Variants in PRDM16 observed in about 807,000 individuals in gnomAD.
The protein encoded by PRDM16 is histone-lysine N-methyltransferase PRDM16.
Under a neutral mutation model 110.6 loss-of-function variants are expected in PRDM16, and 23 were observed. The observed-to-expected ratio is 0.21, with a 90% CI of 0.15 to 0.29. The LOEUF is 0.29. Among genes scored for constraint, PRDM16 ranks in the 10% least tolerant of loss-of-function variants. PRDM16 has a pLI of 1.00. For missense variants in PRDM16, 1,615 were observed against 1,794.3 expected (o/e 0.90, Z 1.81); for synonymous variants, 799 against 781.8 (o/e 1.02, Z -0.37).
chr1:3,120,429 G>A (rs369336804), intron 1 of PRDM16, among the ~76,000 whole-genome samples: 4 of 152,308 alleles, frequency 2.6e-5, no homozygotes, highest in East Asian at 1.9e-4. Context: ...CTGGGAGGAC[G>A]GGAGGGGCTT....
rs188925890 is a variant in PRDM16, at chr1:3,390,655, G to A, written c.573+5369G>A. Among the ~76,000 whole-genome samples the A allele has an allele frequency of 5.8e-4, 88 of 152,244 alleles. 1 individual carries two copies. Among genetic ancestry groups the A allele is most frequent in the African/African-American group, 2.0e-3 (82 of 41,564 alleles). The stretch of plus-strand genomic sequence containing the variant: ...AGAACCAGGTGTCTCTCGGGTCGGC[G>A]GAGGGCATTTCTCTTTTGCTTTGCT... On this transcript the variant is annotated intron_variant, in intron 4 of 16. Coordinates refer to ENST00000270722, the MANE Select transcript of PRDM16 (RefSeq NM_022114.4). The surrounding 1 kb of genome is among the most constrained non-coding windows in gnomAD (Gnocchi z 5.0).
chr1:3,359,115 C>T lies in PRDM16; in HGVS notation c.439-26037C>T, dbSNP rs1195017847. ...AGTGCAGTGGCTCCATCACGGCACA[C>T]TGCAGCCTCCACCTCCCGGGCTCAA... On this transcript the variant is annotated intron_variant, in intron 3 of 16. Coordinates refer to ENST00000270722, the MANE Select transcript of PRDM16 (RefSeq NM_022114.4). This position sits in a 1 kb window ranked among gnomAD's most constrained non-coding sequence, Gnocchi z 4.3. Among the ~76,000 whole-genome samples, 1 of 152,232 alleles carries T rather than the reference C, an allele frequency of 6.6e-6. No individual in the cohort carries two copies. Among genetic ancestry groups the T allele is most frequent in the Non-Finnish European group, 1.5e-5 (1 of 68,040 alleles).
chr1:3,183,570 C>T (rs2100792424), intron 1 of PRDM16, among the ~76,000 whole-genome samples: 1 of 152,360 alleles, frequency 6.6e-6, no homozygotes, highest in Non-Finnish European at 1.5e-5. Flanking sequence ...AATCGCTTAA[C>T]CCCGTGACCG....
chr1:3,109,565 C>T (rs1382934474), intron 1 of PRDM16, among the ~76,000 whole-genome samples: 1 of 152,232 alleles, frequency 6.6e-6, no homozygotes, highest in African/African-American at 2.4e-5. Flanking sequence ...TGAAGCATCA[C>T]AGACCATTAG....
Position 3,157,343 on chromosome 1 carries a change from T to G in PRDM16, c.38-28782T>G, listed in dbSNP as rs751316420. Among the ~76,000 whole-genome samples, 15 of 151,848 alleles carry G rather than the reference T, an allele frequency of 9.9e-5. No homozygotes were observed. Among genetic ancestry groups the G allele is most frequent in the Admixed American group, 2.0e-4 (3 of 15,266 alleles). ...CAGCATTTTGTTGTGTTTACCGCAT[T>G]TATTCTATTGATTGACTGAATTTAC... On this transcript the variant is annotated intron_variant, in intron 1 of 16. Transcript: ENST00000270722. This position sits in a 1 kb window ranked among gnomAD's most constrained non-coding sequence, Gnocchi z 4.8.
intron 1 of PRDM16, among the ~76,000 whole-genome samples, chr1:3,176,325 T>TTCCTTCATTAAC (rs1644089713): frequency 3.7e-5 from 4 of 107,818 alleles, no homozygotes; most frequent in South Asian, 3.3e-4. Flanking sequence ...TATTCTTCCA[T>TTCCTTCATTAAC]CCATCCCTCC....
intron 4 of PRDM16, among the ~76,000 whole-genome samples, chr1:3,391,380 A>G (rs1435042858): frequency 6.6e-6 from 1 of 152,162 alleles, no homozygotes; most frequent in East Asian, 1.9e-4. Flanking sequence ...CAAGGTTTAA[A>G]TTCAACTGTG....
At chr1:3,388,782 G>A (rs1023139456) in intron 4 of PRDM16, among the ~76,000 whole-genome samples, 2 of 152,334 alleles carry the variant, frequency 1.3e-5, no homozygotes, top group African/African-American at 4.8e-5. Flanking sequence ...ACACTTTAGG[G>A]GCACTTTGGA....
At chr1:3,323,781 C>G (rs874244) in intron 3 of PRDM16, among the ~76,000 whole-genome samples, 1 of 152,180 alleles carries the variant, frequency 6.6e-6, no homozygotes, top group Admixed American at 6.5e-5. Context: ...GGCTTTTCCC[C>G]GAGTATTTAC....
At chr1:3,116,144 T>G (rs1466039236) in intron 1 of PRDM16, among the ~76,000 whole-genome samples, 1 of 152,088 alleles carries the variant, frequency 6.6e-6, no homozygotes, top group Non-Finnish European at 1.5e-5. Flanking sequence ...GCGTGGGTGG[T>G]CATCTCAGGG....
At chr1:3,089,631 C>T (rs1360529956) in intron 1 of PRDM16, among the ~76,000 whole-genome samples, 1 of 152,256 alleles carries the variant, frequency 6.6e-6, no homozygotes, top group Non-Finnish European at 1.5e-5. Flanking sequence ...GTGAGGGGCT[C>T]CCCGTGTGAC....
chr1:3,272,781 C>T (rs1227838133), intron 3 of PRDM16, among the ~76,000 whole-genome samples: 4 of 151,426 alleles, frequency 2.6e-5, no homozygotes, highest in African/African-American at 9.7e-5. Flanking sequence ...ACAAGGTGGG[C>T]GAGGCCGAGC....
At chr1:3,242,271 T>C (rs1036234058) in intron 2 of PRDM16, among the ~76,000 whole-genome samples, 3 of 152,180 alleles carry the variant, frequency 2.0e-5, no homozygotes, top group Non-Finnish European at 4.4e-5. Context: ...AGCATCTCAC[T>C]CCTCGACGTG....
In PRDM16 at chr1:3,403,086, C is replaced by T. The variant is rs1643501618; in HGVS notation, c.884+88C>T. The T allele has an allele frequency of 7.2e-6, 8 of 1,116,918 alleles. 1 individual carries two copies. Among genetic ancestry groups the T allele is most frequent in the African/African-American group, 1.6e-5 (1 of 62,180 alleles). The allele number at this position is 1,116,918 out of a possible 1,614,324, so 69.2% of individuals were successfully genotyped here. ...TTCCCGTGCCCTCCTCTGAGTCTTCCTCCCCTCCCTTCCCCCGCCTCGCCC... is the reference window on the plus strand; with the variant it reads ...TTCCCGTGCCCTCCTCTGAGTCTTCTTCCCCTCCCTTCCCCCGCCTCGCCC... On this transcript the variant is annotated intron_variant, in intron 6 of 16. Coordinates refer to ENST00000270722, the MANE Select transcript of PRDM16 (RefSeq NM_022114.4).
chr1:3,090,321 G>T (rs1035390364), intron 1 of PRDM16, among the ~76,000 whole-genome samples: 2 of 152,214 alleles, frequency 1.3e-5, no homozygotes, highest in Non-Finnish European at 2.9e-5. Flanking sequence ...CACTTCCAAG[G>T]GAGTCCAGCT....
At chr1:3,249,795 G>A (rs1639883529) in intron 3 of PRDM16, among the ~76,000 whole-genome samples, 1 of 152,208 alleles carries the variant, frequency 6.6e-6, no homozygotes, top group Non-Finnish European at 1.5e-5. Context: ...CATTGTCCCA[G>A]GGTTGCTGAT....
chr1:3,156,523 A>T (rs766586265), intron 1 of PRDM16, among the ~76,000 whole-genome samples: 6 of 152,118 alleles, frequency 3.9e-5, no homozygotes, highest in Admixed American at 1.3e-4. Context: ...TCTAGTTTGG[A>T]GGGGTTTTGT....
chr1:3,220,008 C>T (rs1639117522), intron 2 of PRDM16, among the ~76,000 whole-genome samples: 1 of 152,208 alleles, frequency 6.6e-6, no homozygotes. Flanking sequence ...TAATGAGCCT[C>T]TCCTGAAAAC....
chr1:3,251,925 G>T (rs2100221308), intron 3 of PRDM16, among the ~76,000 whole-genome samples: 1 of 152,322 alleles, frequency 6.6e-6, no homozygotes, highest in South Asian at 2.1e-4. Flanking sequence ...AAAGTCTGTG[G>T]TAATTGGTTT....
Sources: allele counts gnomAD v4.1 joint callset (sites outside exome capture counted in the v4.1 genomes callset), GRCh38; gene constraint gnomAD v4.1.1; non-coding constraint Gnocchi (gnomAD v3.1); transcripts MANE v1.5; gene names NCBI Gene and HGNC (gene_info 2026-07-23, HGNC 2026-07-21).